OSBPL5: variants seen among roughly 807,000 people sequenced by gnomAD.
OSBPL5 encodes the protein oxysterol-binding protein-related protein 5.
Under a neutral mutation model 111.2 loss-of-function variants are expected in OSBPL5, and 71 were observed. The observed-to-expected ratio is 0.64, with a 90% CI of 0.53 to 0.78. OSBPL5 has a LOEUF of 0.78. Among genes scored for constraint, OSBPL5 ranks in the 30% least tolerant of loss-of-function variants. The pLI, the probability that OSBPL5 is intolerant of heterozygous loss-of-function variation, is 0.00. For missense variants in OSBPL5, 1,210 were observed against 1,189.3 expected, an observed-to-expected ratio of 1.02 and a Z score of -0.26; for synonymous variants, 549 against 513.9, an observed-to-expected ratio of 1.07 and a Z score of -0.93.
At position 3,126,582 on chromosome 11, in the gene OSBPL5, C is replaced by A; in HGVS notation, c.137-27G>T. ...TGCAAGAGAGCAGTGGGAGTGAGGA[C>A]CCAGGCATGGTGGCGTGGCCAGGCT... On this transcript the variant is annotated intron_variant, in intron 2 of 21. Coordinates refer to ENST00000263650, the MANE Select transcript of OSBPL5 (RefSeq NM_020896.4). This position sits in a 1 kb window ranked among gnomAD's most constrained non-coding sequence, Gnocchi z 6.5. 2 of 1,590,208 alleles carry A rather than the reference C, an allele frequency of 1.3e-6. No individual in the cohort carries two copies. The highest frequency in any genetic ancestry group is 1.7e-5 in the Admixed American group (1 of 58,050).
At chr11:3,100,392 G>A (rs143677212) in intron 13 of OSBPL5, 136 bp from the exon 14 acceptor site, 19 of 706,870 alleles carry the variant, frequency 2.7e-5, no homozygotes, top group Middle Eastern at 3.1e-4. Context: ...GTGTCTGTGC[G>A]TGAGTCACTT....
chr11:3,096,004 T>C (rs939314278), intron 14 of OSBPL5, among the ~76,000 whole-genome samples: 1 of 152,014 alleles, frequency 6.6e-6, no homozygotes, highest in African/African-American at 2.4e-5. Context: ...ATCAAATCAA[T>C]TCGTGGTTTA....
At position 3,119,597 on chromosome 11, in the gene OSBPL5, T is replaced by G; in HGVS notation, c.641A>C (p.Gln214Pro). Residue 214 changes from glutamine to proline, a missense_variant, in exon 7 of 22, where the codon CAG becomes CCG. Physicochemically the swap from Gln to Pro is moderately conservative, Grantham distance 76 (BLOSUM62 -1). Coordinates refer to ENST00000263650, the MANE Select transcript of OSBPL5 (RefSeq NM_020896.4). ...GATCAGGTAGCTGCTGGGCAGGGGC[T>G]GTGTGATGGAGCCCACGCTCTCACC... ...PKGESVGSIT[Q>P]PLPSSYLIFR... 6.3e-7 allele frequency: 1 copy of G among 1,576,498 alleles called. No individual in the cohort carries two copies. Among genetic ancestry groups the G allele is most frequent in the Non-Finnish European group, 8.6e-7 (1 of 1,166,072 alleles).
intron 1 of OSBPL5, among the ~76,000 whole-genome samples, chr11:3,147,801 G>A (rs1445967379): frequency 1.3e-5 from 2 of 152,202 alleles, no homozygotes; most frequent in Admixed American, 6.5e-5. Context: ...GAAAGGCGCT[G>A]GGGAGGAACA....
chr11:3,107,662 C>T lies in OSBPL5; in HGVS notation c.866+109G>A. Reference sequence around the variant, plus strand: ...ACTGCAGCGAACAAGTCCCTGCGTGCAGCCTGCAGCCCACCAGAGCAGTGG... The same window carrying T: ...ACTGCAGCGAACAAGTCCCTGCGTGTAGCCTGCAGCCCACCAGAGCAGTGG... On this transcript the variant is annotated intron_variant, in intron 8 of 21. Coordinates refer to ENST00000263650, the MANE Select transcript of OSBPL5 (RefSeq NM_020896.4). The surrounding 1 kb of genome is among the most constrained non-coding windows in gnomAD (Gnocchi z 6.1). 1.4e-6 allele frequency: 2 copies of T among 1,467,504 alleles called. No individual in the cohort carries two copies. The highest frequency in any genetic ancestry group is 1.9e-6 in the Non-Finnish European group (2 of 1,077,026). 90.9% of individuals were successfully genotyped at this position (1,467,504 alleles called of 1,614,324 possible). A position where few individuals can be genotyped will look rare whatever the true frequency, so the allele number is the denominator to read the frequency against.
rs1564837855 is a variant in OSBPL5, at chr11:3,112,098, CATATGTGTGTGTGCATGTGTGTGTGT to C, written c.692-4179_692-4154del. On this transcript the variant is annotated intron_variant, in intron 7 of 21. Transcript: ENST00000263650. ...GCATGTGTGTGTGCATGTGTGTGTGCATATGTGTGTGTGCATGTGTGTGTGTGCGCATATGTGTGTGTTTGTATTTA... is the reference window on the plus strand; with the variant it reads ...GCATGTGTGTGTGCATGTGTGTGTGCGCGCATATGTGTGTGTTTGTATTTA... Among the ~76,000 whole-genome samples the C allele has an allele frequency of 7.0e-5, 9 of 128,860 alleles. No homozygotes were observed. The East Asian group carries it at 1.0e-3, about 15-fold the overall frequency. 84.5% of individuals were successfully genotyped at this position (128,860 alleles called of 152,430 possible).
At chr11:3,111,237 G>C (rs1590663714) in intron 7 of OSBPL5, among the ~76,000 whole-genome samples, 1 of 135,472 alleles carries the variant, frequency 7.4e-6, no homozygotes, top group Non-Finnish European at 1.5e-5. Flanking sequence ...TTCTCTTTTT[G>C]GAGTTTTACT....
Position 3,103,808 on chromosome 11 carries a change from C to A in OSBPL5, c.1244+385G>T, listed in dbSNP as rs138836596. On this transcript the variant is annotated intron_variant, in intron 10 of 21. Transcript: ENST00000263650. ...AGTCCCTTCCTGCCTCTGCAGCCCT[C>A]TTCCTGCCTGCGCAGCCCCCTTCCA... is the stretch of plus-strand genomic sequence containing the variant. Among the ~76,000 whole-genome samples the A allele has an allele frequency of 7.6e-3, 291 of 38,194 alleles. 7 individuals are homozygous for A. Among genetic ancestry groups the A allele is most frequent in the Non-Finnish European group, 0.016 (228 of 14,038 alleles). The allele number at this position is 38,194 out of a possible 152,430, so 25.1% of individuals were successfully genotyped here.
At chr11:3,098,782 G>T (rs1857363449) in intron 14 of OSBPL5, among the ~76,000 whole-genome samples, 1 of 151,402 alleles carries the variant, frequency 6.6e-6, no homozygotes, top group African/African-American at 2.4e-5. Context: ...TGGGATTACA[G>T]TTGTGAGCCA....
chr11:3,103,687 GCCCCCTTCCAGCCTGCGTA>G (rs1316115859), intron 10 of OSBPL5, among the ~76,000 whole-genome samples: 1 of 136,108 alleles, frequency 7.3e-6, no homozygotes, highest in Non-Finnish European at 1.6e-5. Flanking sequence ...AGTCTCTGCA[GCCCCCTTCCAGCCTGCGTA>G]CCCCCTTCCA....
At chr11:3,136,141 A>G (rs995066650) in intron 1 of OSBPL5, among the ~76,000 whole-genome samples, 1 of 152,124 alleles carries the variant, frequency 6.6e-6, no homozygotes, top group Non-Finnish European at 1.5e-5. Flanking sequence ...GGGAGGGGCC[A>G]TGCTCTCTGA....
At chr11:3,156,787 C>T (rs757621247) in intron 1 of OSBPL5, among the ~76,000 whole-genome samples, 16 of 152,240 alleles carry the variant, frequency 1.1e-4, no homozygotes, top group Admixed American at 2.6e-4. Flanking sequence ...CCACACAGGC[C>T]GAGGGCCGGC....
At chr11:3,090,497 G>C in intron 20 of OSBPL5, 61 bp downstream of exon 20, 3 of 1,579,904 alleles carry the variant, frequency 1.9e-6, no homozygotes, top group Non-Finnish European at 2.6e-6. Context: ...CCTCCAGCCA[G>C]GTCAGCATCT....
intron 14 of OSBPL5, among the ~76,000 whole-genome samples, chr11:3,098,495 A>ATTTTTTTTTTTTTTTTTTTTTT (rs552382553): frequency 1.2e-5 from 1 of 81,202 alleles, no homozygotes; most frequent in African/African-American, 6.3e-5. Flanking sequence ...ACATGAAGGA[A>ATTTTTTTTTTTTTTTTTTTTTT]TTTTTTTTTT....
At position 3,104,419 on chromosome 11, in the gene OSBPL5, C is replaced by T. The variant is rs376310922; in HGVS notation, c.1060-42G>A. Reference sequence around the variant, plus strand: ...GCAGTCAGGCCCTGCCCGGAAGAGCCGGGAGGAAGGGGTGGCGGGACAGTG... The same window carrying T: ...GCAGTCAGGCCCTGCCCGGAAGAGCTGGGAGGAAGGGGTGGCGGGACAGTG... On this transcript the variant is annotated intron_variant, in intron 9 of 21. Transcript: ENST00000263650. This position sits in a 1 kb window ranked among gnomAD's most constrained non-coding sequence, Gnocchi z 5.0. The T allele has an allele frequency of 3.5e-5, 55 of 1,590,038 alleles. 1 individual carries two copies. Among genetic ancestry groups the T allele is most frequent in the African/African-American group, 9.4e-5 (7 of 74,316 alleles).
rs985989591 is a variant in OSBPL5 at position 3,105,525 on chromosome 11, G to A, written c.1060-1148C>T. 2.4e-4 allele frequency among the ~76,000 whole-genome samples: 36 copies of A among 152,050 alleles called. No individual in the cohort carries two copies. Among genetic ancestry groups the A allele is most frequent in the African/African-American group, 8.5e-4 (35 of 41,374 alleles). On this transcript the variant is annotated intron_variant, in intron 9 of 21. Coordinates refer to ENST00000263650, the MANE Select transcript of OSBPL5 (RefSeq NM_020896.4). The surrounding 1 kb of genome is among the most constrained non-coding windows in gnomAD (Gnocchi z 5.2). ...TGCTCTGTCCATGTGCTCCCGTCCC[G>A]TCCTCCTTAACCCTCTCCACCAGGC...
chr11:3,112,070 T>TGCGC (rs1358670089), intron 7 of OSBPL5, among the ~76,000 whole-genome samples: 1 of 52,058 alleles, frequency 1.9e-5, no homozygotes. Context: ...TGTATGTGTG[T>TGCGC]GTGCATGTGT....
intron 4 of OSBPL5, 22 bp from the exon 5 acceptor site, chr11:3,122,120 T>G: frequency 1.3e-6 from 2 of 1,544,256 alleles, no homozygotes; most frequent in Middle Eastern, 1.9e-4. Flanking sequence ...GCACCCGCGG[T>G]GGGTCATGGG....
In OSBPL5 at chr11:3,140,160, TCGGG is replaced by T. The variant is rs1846062792; in HGVS notation, c.-21-10995_-21-10992del. Among the ~76,000 whole-genome samples, 1 of 152,186 alleles carries T rather than the reference TCGGG, an allele frequency of 6.6e-6. No homozygotes were observed. Among genetic ancestry groups the T allele is most frequent in the South Asian group, 2.1e-4 (1 of 4,824 alleles). ...GGTCCCCCAAATTGCAGCCACCATC[TCGGG>T]CTGTATTAACAGAGGTTGAGTCCTC... On this transcript the variant is annotated intron_variant, in intron 1 of 21. Coordinates refer to ENST00000263650, the MANE Select transcript of OSBPL5 (RefSeq NM_020896.4). This position sits in a 1 kb window ranked among gnomAD's most constrained non-coding sequence, Gnocchi z 4.5.
Sources: allele counts gnomAD v4.1 joint callset (sites outside exome capture counted in the v4.1 genomes callset), GRCh38; gene constraint gnomAD v4.1.1; non-coding constraint Gnocchi (gnomAD v3.1); transcripts MANE v1.5; gene names NCBI Gene and HGNC (gene_info 2026-07-23, HGNC 2026-07-21).